Variants in GRM5 observed in about 807,000 individuals in gnomAD.
GRM5 encodes metabotropic glutamate receptor 5.
A neutral mutation model predicts 83.1 loss-of-function variants in GRM5; 19 were observed. That is an observed-to-expected ratio of 0.23 (90% CI 0.16 to 0.34). The LOEUF is 0.34. GRM5 is among the 10% of genes least tolerant of loss of function. The pLI is 1.00. For missense variants in GRM5, 1,160 were observed against 1,588.3 expected (o/e 0.73, Z 4.58); for synonymous variants, 675 against 633.6 (o/e 1.07, Z -0.98).
intron 4 of GRM5, among the ~76,000 whole-genome samples, chr11:88,643,805 C>A (rs1214268914): frequency 6.6e-6 from 1 of 152,114 alleles, no homozygotes. Flanking sequence ...TTGAGAGATA[C>A]TCAAGTGTTC....
intron 2 of GRM5, among the ~76,000 whole-genome samples, chr11:88,885,903 C>A (rs1389112150): frequency 6.6e-6 from 1 of 152,126 alleles, no homozygotes; most frequent in African/African-American, 2.4e-5. Flanking sequence ...TTCAAGATGG[C>A]AGCTCCATTC....
At chr11:89,046,248 G>A (rs922872350) in intron 2 of GRM5, among the ~76,000 whole-genome samples, 11 of 151,926 alleles carry the variant, frequency 7.2e-5, no homozygotes. Context: ...TTACCAGACC[G>A]AAATATTTGG....
chr11:88,679,094 T>C (rs1306931020), intron 3 of GRM5, among the ~76,000 whole-genome samples: 4 of 152,166 alleles, frequency 2.6e-5, no homozygotes, highest in South Asian at 2.1e-4. Flanking sequence ...TAGAAACAAC[T>C]TTCTATATAT....
chr11:88,824,890 T>C (rs1943867682), intron 3 of GRM5, among the ~76,000 whole-genome samples: 1 of 152,224 alleles, frequency 6.6e-6, no homozygotes, highest in South Asian at 2.1e-4. Flanking sequence ...ACTACCATCA[T>C]CTTTTATGAG....
At position 88,524,214 on chromosome 11, in the gene GRM5, CTTTTT is replaced by C. The variant is rs71470770; in HGVS notation, c.2726+1090_2726+1094del. Among the ~76,000 whole-genome samples, 841 of 101,370 alleles carry C rather than the reference CTTTTT, an allele frequency of 8.3e-3. 2 individuals are homozygous for C. Among genetic ancestry groups the C allele is most frequent in the Admixed American group, 0.012 (118 of 9,948 alleles). 66.5% of individuals were successfully genotyped at this position (101,370 alleles called of 152,430 possible). On this transcript the variant is annotated intron_variant, in intron 9 of 9. Transcript: ENST00000305447. ...TTTTTCTTTCTTTCTTTCTTTCTTT[CTTTTT>C]TTTTTTTTTTTTTTTTGAGACAGTT...
At position 88,823,417 on chromosome 11, in the gene GRM5, T is replaced by A. The variant is rs557432502; in HGVS notation, c.911+26489A>T. Among the ~76,000 whole-genome samples, 159 of 152,186 alleles carry A rather than the reference T, an allele frequency of 1.0e-3. 1 individual carries two copies. The highest frequency in any genetic ancestry group is 3.7e-3 in the African/African-American group (153 of 41,536). On this transcript the variant is annotated intron_variant, in intron 3 of 9. Transcript: ENST00000305447. ...CCTCCCTGAAGAGTTTCTATATCCT[T>A]CAGTATTTTAAGTTTACTGGTTTTG...
intron 2 of GRM5, among the ~76,000 whole-genome samples, chr11:88,952,307 G>T (rs935844691): frequency 6.6e-6 from 1 of 152,062 alleles, no homozygotes; most frequent in East Asian, 1.9e-4. Context: ...ACTCTCTAAT[G>T]TGCCCATATA....
chr11:88,729,019 C>A (rs1348718970), intron 3 of GRM5, among the ~76,000 whole-genome samples: 1 of 152,108 alleles, frequency 6.6e-6, no homozygotes, highest in African/African-American at 2.4e-5. Context: ...GAAGTTCTGG[C>A]TAGGGCAATC....
chr11:88,967,949 T>C (rs1370881103), intron 2 of GRM5, among the ~76,000 whole-genome samples: 2 of 151,980 alleles, frequency 1.3e-5, no homozygotes, highest in Admixed American at 6.6e-5. Context: ...AGAGCAAAAA[T>C]AGAGTGACCA....
chr11:88,842,914 G>T (rs1262720401), intron 3 of GRM5, among the ~76,000 whole-genome samples: 4 of 152,058 alleles, frequency 2.6e-5, no homozygotes, highest in Non-Finnish European at 5.9e-5. Context: ...ATCCAAAACT[G>T]AACTCATGAT....
intron 3 of GRM5, among the ~76,000 whole-genome samples, chr11:88,728,743 C>A (rs1044956174): frequency 6.6e-6 from 1 of 152,146 alleles, no homozygotes; most frequent in African/African-American, 2.4e-5. Context: ...TAAACACAAT[C>A]CATCACATAA....
intron 4 of GRM5, among the ~76,000 whole-genome samples, chr11:88,627,611 C>A (rs866203895): frequency 6.6e-6 from 1 of 152,114 alleles, no homozygotes; most frequent in African/African-American, 2.4e-5. Flanking sequence ...TTCTGTACCT[C>A]AATCTCACCC....
At chr11:88,695,523 C>G (rs1004446267) in intron 3 of GRM5, among the ~76,000 whole-genome samples, 2 of 152,170 alleles carry the variant, frequency 1.3e-5, no homozygotes. Context: ...ACTAAGTCCT[C>G]TAGATCCCAA....
chr11:88,744,160 C>T (rs1221643486), intron 3 of GRM5, among the ~76,000 whole-genome samples: 5 of 152,046 alleles, frequency 3.3e-5, no homozygotes, highest in African/African-American at 4.8e-5. Context: ...AATAACTTTG[C>T]GTCTTCTTTC....
intron 8 of GRM5, among the ~76,000 whole-genome samples, chr11:88,562,984 C>T (rs960825740): frequency 6.6e-6 from 1 of 152,140 alleles, no homozygotes; most frequent in African/African-American, 2.4e-5. Context: ...GAAGTGTTTG[C>T]CTTTGCATCA....
intron 2 of GRM5, among the ~76,000 whole-genome samples, chr11:88,991,972 A>G (rs1939992814): frequency 6.6e-6 from 1 of 152,196 alleles, no homozygotes. Flanking sequence ...TCATGTCTAA[A>G]ACACCAAAAG....
rs371998621 is a variant in GRM5 at position 88,687,531 on chromosome 11, T to C, written c.912-34128A>G. The stretch of plus-strand genomic sequence containing the variant: ...ACACACACACACACACACACATACA[T>C]ATATATACACACACACACACACATA... On this transcript the variant is annotated intron_variant, in intron 3 of 9. Transcript: ENST00000305447. 6.4e-3 allele frequency among the ~76,000 whole-genome samples: 186 copies of C among 29,230 alleles called. 9 individuals are homozygous for C. The highest frequency in any genetic ancestry group is 0.031 in the Admixed American group (56 of 1,780). 19.2% of individuals were successfully genotyped at this position (29,230 alleles called of 152,430 possible).
chr11:88,705,481 C>T (rs1361072585), intron 3 of GRM5, among the ~76,000 whole-genome samples: 1 of 151,978 alleles, frequency 6.6e-6, no homozygotes, highest in African/African-American at 2.4e-5. Context: ...ACATTTCATC[C>T]CCACACCTTA....
intron 3 of GRM5, among the ~76,000 whole-genome samples, chr11:88,774,516 C>T (rs1942807303): frequency 6.6e-6 from 1 of 152,182 alleles, no homozygotes; most frequent in African/African-American, 2.4e-5. Context: ...GAGGGCATCC[C>T]TGTCTTATGT....
Sources: gnomAD v4.1 joint callset for allele counts (sites outside exome capture counted in the v4.1 genomes callset) on GRCh38, gnomAD v4.1.1 for gene constraint, MANE v1.5 for transcripts, NCBI Gene and HGNC (gene_info 2026-07-23, HGNC 2026-07-21) for gene names.